Variants in NMT2 observed in about 807,000 individuals in gnomAD.
The protein encoded by NMT2 is glycylpeptide N-tetradecanoyltransferase 2.
A neutral mutation model predicts 65.4 loss-of-function variants in NMT2; 35 were observed. The ratio of observed to expected loss-of-function variants is 0.54; its 90% CI spans 0.41 to 0.71. The LOEUF is 0.71. Among genes scored for constraint, NMT2 ranks in the 30% least tolerant of loss-of-function variants. The pLI, the probability that NMT2 is intolerant of heterozygous loss-of-function variation, is 0.00. For synonymous variants in NMT2, 226 were observed against 231.8 expected (o/e 0.98, Z 0.23); for missense variants, 489 against 611.3 (o/e 0.80, Z 2.11).
In NMT2 at chr10:15,107,953, C is replaced by T. The variant is rs915200662; in HGVS notation, c.*1242G>A. The T allele has an allele frequency of 3.0e-6, 3 of 985,170 alleles. No individual in the cohort carries two copies. Among genetic ancestry groups the T allele is most frequent in the Non-Finnish European group, 3.6e-6 (3 of 829,496 alleles). The allele number at this position is 985,170 out of a possible 1,614,324, so 61.0% of individuals were successfully genotyped here. On this transcript the variant is annotated 3_prime_UTR_variant, in exon 12 of 12. Coordinates refer to ENST00000378165, the MANE Select transcript of NMT2 (RefSeq NM_004808.3). ...AATAAGACATTTTCCATTAGCATGACACATGACAGTTTTCATGATAAAATC... is the reference window on the plus strand; with the variant it reads ...AATAAGACATTTTCCATTAGCATGATACATGACAGTTTTCATGATAAAATC...
intron 1 of NMT2, among the ~76,000 whole-genome samples, chr10:15,166,821 G>T (rs1833392686): frequency 6.6e-6 from 1 of 152,184 alleles, no homozygotes; most frequent in South Asian, 2.1e-4. Flanking sequence ...TTCTTGAAAG[G>T]TGTCGGGGGA....
At chr10:15,166,946 G>A (rs1833396712) in intron 1 of NMT2, among the ~76,000 whole-genome samples, 2 of 152,126 alleles carry the variant, frequency 1.3e-5, no homozygotes, top group South Asian at 4.1e-4. Flanking sequence ...AATCAAAGGA[G>A]GAACAATAAA....
chr10:15,166,138 T>C (rs1833371842), intron 1 of NMT2, among the ~76,000 whole-genome samples: 1 of 152,202 alleles, frequency 6.6e-6, no homozygotes, highest in Non-Finnish European at 1.5e-5. Flanking sequence ...TCTAATTGGG[T>C]ATTTTCCTTT....
chr10:15,108,640 T>A lies in NMT2; in HGVS notation c.*555A>T, dbSNP rs1184687582. ...ACATGTACTAGTCACCAGTACATTT[T>A]AATATTGCTCTGCACTTAAACAACC... On this transcript the variant is annotated 3_prime_UTR_variant, in exon 12 of 12. Coordinates refer to ENST00000378165, the MANE Select transcript of NMT2 (RefSeq NM_004808.3). 10 of 988,340 alleles carry A rather than the reference T, an allele frequency of 1.0e-5. No individual in the cohort carries two copies. Among genetic ancestry groups the A allele is most frequent in the Non-Finnish European group, 1.2e-5 (10 of 832,180 alleles). 61.2% of individuals were successfully genotyped at this position (988,340 alleles called of 1,614,324 possible).
intron 8 of NMT2, among the ~76,000 whole-genome samples, chr10:15,127,588 A>G (rs1455620018): frequency 1.2e-5 from 1 of 81,282 alleles, no homozygotes; most frequent in Non-Finnish European, 2.3e-5. Flanking sequence ...ATAAATAAAT[A>G]AATAAATAAA....
At chr10:15,144,455 G>C (rs1846886697) in intron 1 of NMT2, among the ~76,000 whole-genome samples, 1 of 152,204 alleles carries the variant, frequency 6.6e-6, no homozygotes, top group Non-Finnish European at 1.5e-5. Context: ...AGCCAGGCCA[G>C]GTGCAGTGGC....
intron 6 of NMT2, among the ~76,000 whole-genome samples, chr10:15,131,465 G>A (rs1846284139): frequency 6.6e-6 from 1 of 151,998 alleles, no homozygotes; most frequent in Non-Finnish European, 1.5e-5. Flanking sequence ...TAAGTTTCTA[G>A]ATCTGTTTTT....
intron 10 of NMT2, among the ~76,000 whole-genome samples, chr10:15,110,904 C>A (rs977429275): frequency 1.3e-5 from 2 of 152,212 alleles, no homozygotes; most frequent in Non-Finnish European, 2.9e-5. Flanking sequence ...AATTCTCCTG[C>A]CTCAAACTTC....
Position 15,106,708 on chromosome 10 carries a change from A to C in NMT2, c.*2487T>G. 2.1e-6 allele frequency: 2 copies of C among 942,892 alleles called. No homozygotes were observed. Among genetic ancestry groups the C allele is most frequent in the African/African-American group, 1.8e-5 (1 of 56,482 alleles). 58.4% of individuals were successfully genotyped at this position (942,892 alleles called of 1,614,324 possible). A position where few individuals can be genotyped will look rare whatever the true frequency, so the allele number is the denominator to read the frequency against. ...AAGGTCAACAAACTTTCTGTAAAAG[A>C]CCAGAGAGTGAATATCTTAGGCTTT... is the stretch of plus-strand genomic sequence containing the variant. On this transcript the variant is annotated 3_prime_UTR_variant, in exon 12 of 12. Coordinates refer to ENST00000378165, the MANE Select transcript of NMT2 (RefSeq NM_004808.3).
intron 1 of NMT2, among the ~76,000 whole-genome samples, chr10:15,165,139 G>A (rs554781551): frequency 6.6e-6 from 1 of 151,234 alleles, no homozygotes; most frequent in Non-Finnish European, 1.5e-5. Flanking sequence ...CTCCAGCCTG[G>A]GTGACAAGAG....
chr10:15,133,403 C>T lies in NMT2; in HGVS notation c.392-40G>A, dbSNP rs184908046. ...AAAGAGAAAAAAGAAAGGCAAAAAG[C>T]GAGAATATTAAATGACAAAGTATTC... is the stretch of plus-strand genomic sequence containing the variant. On this transcript the variant is annotated intron_variant, in intron 3 of 11. Coordinates refer to ENST00000378165, the MANE Select transcript of NMT2 (RefSeq NM_004808.3). 181 of 1,459,292 alleles carry T rather than the reference C, an allele frequency of 1.2e-4. No individual in the cohort carries two copies. The African/African-American group carries it at 1.3e-3, about 10-fold the overall frequency. The allele number at this position is 1,459,292 out of a possible 1,614,324, so 90.4% of individuals were successfully genotyped here. A position where few individuals can be genotyped will look rare whatever the true frequency, so the allele number is the denominator to read the frequency against.
At chr10:15,141,667 G>C in intron 1 of NMT2, 110 bp from the exon 2 acceptor site, 1 of 1,337,586 alleles carries the variant, frequency 7.5e-7, no homozygotes, top group South Asian at 1.5e-5. Context: ...ACATGCAGTA[G>C]AAAATAACTG....
At chr10:15,158,972 A>G (rs539015665) in intron 1 of NMT2, among the ~76,000 whole-genome samples, 1 of 152,354 alleles carries the variant, frequency 6.6e-6, no homozygotes, top group Non-Finnish European at 1.5e-5. Context: ...TTAGGCTTCA[A>G]CATATGAATT....
chr10:15,148,232 G>C (rs1847029029), intron 1 of NMT2, among the ~76,000 whole-genome samples: 2 of 152,208 alleles, frequency 1.3e-5, no homozygotes, highest in South Asian at 4.1e-4. Flanking sequence ...TAGGCCAGGT[G>C]TGGTGGCTCA....
chr10:15,135,780 G>T (rs78535110), intron 2 of NMT2, among the ~76,000 whole-genome samples: 38 of 152,072 alleles, frequency 2.5e-4, no homozygotes, highest in African/African-American at 8.5e-4. Flanking sequence ...AGCCTTGGGT[G>T]GGGGGCACTG....
At position 15,141,512 on chromosome 10, in the gene NMT2, C is replaced by G. The variant is rs2131578832; in HGVS notation, c.156G>C (p.Gln52His). ...AATTTGGTTTCTCCTTTTTTCTCTT[C>G]TGTTTCTTCTTTTTCTTTTTGGCTC... ...YLGAKKKKKK[Q>H]KRKKEKPNSG... is the part of the protein sequence containing the mutation. Residue 52 changes from glutamine to histidine, a missense_variant, in exon 2 of 12, where the codon CAG becomes CAC. Gln to His is a conservative substitution (Grantham distance 24, BLOSUM62 0). Transcript: ENST00000378165. 1 of 1,614,180 alleles carries G rather than the reference C, an allele frequency of 6.2e-7. No homozygotes were observed. Among genetic ancestry groups the G allele is most frequent in the East Asian group, 2.2e-5 (1 of 44,896 alleles).
At chr10:15,156,592 G>A (rs1833008979) in intron 1 of NMT2, among the ~76,000 whole-genome samples, 1 of 152,120 alleles carries the variant, frequency 6.6e-6, no homozygotes, top group Admixed American at 6.6e-5. Context: ...TCATTCGAAT[G>A]TTCTACATTA....
intron 8 of NMT2, among the ~76,000 whole-genome samples, chr10:15,127,546 C>CAAAAAAAAAAAAA (rs1239422956): frequency 3.1e-4 from 16 of 51,378 alleles, no homozygotes; most frequent in African/African-American, 4.4e-4. Flanking sequence ...GACTCCGTCT[C>CAAAAAAAAAAAAA]AAAAAAAAAA....
intron 3 of NMT2, among the ~76,000 whole-genome samples, chr10:15,133,823 A>G (rs1846376354): frequency 2.0e-5 from 3 of 152,194 alleles, no homozygotes; most frequent in Non-Finnish European, 2.9e-5. Flanking sequence ...CCTGGGTTCA[A>G]GTGATCCTCC....
Sources: gnomAD v4.1 joint callset for allele counts (sites outside exome capture counted in the v4.1 genomes callset) on GRCh38, gnomAD v4.1.1 for gene constraint, MANE v1.5 for transcripts, NCBI Gene and HGNC (gene_info 2026-07-23, HGNC 2026-07-21) for gene names.